NRG3: variants seen among roughly 807,000 people sequenced by gnomAD.
NRG3 encodes the protein neuregulin 3, also known as pro-neuregulin-3, membrane-bound isoform.
NRG3 carries 31 observed loss-of-function variants against 66.9 expected under a neutral mutation model. The ratio of observed to expected loss-of-function variants is 0.46; its 90% CI spans 0.35 to 0.63. NRG3 has a LOEUF of 0.63. NRG3 is among the 20% of genes least tolerant of loss of function. NRG3 has a pLI of 0.00. For missense variants in NRG3, 910 were observed against 878.9 expected (o/e 1.04, Z -0.45); for synonymous variants, 393 against 359.4 (o/e 1.09, Z -1.06).
intron 1 of NRG3, among the ~76,000 whole-genome samples, chr10:82,150,691 C>T (rs1030396497): frequency 3.9e-5 from 6 of 152,084 alleles, no homozygotes; most frequent in Non-Finnish European, 5.9e-5. Flanking sequence ...GGCGCCTGGA[C>T]ATTCCAGTGA....
intron 4 of NRG3, among the ~76,000 whole-genome samples, chr10:82,897,787 C>T (rs960974464): frequency 1.3e-5 from 2 of 152,010 alleles, no homozygotes; most frequent in Non-Finnish European, 2.9e-5. Flanking sequence ...CCCAAAGTGC[C>T]GGGATTACAG....
At chr10:82,741,797 T>C (rs1368472549) in intron 3 of NRG3, among the ~76,000 whole-genome samples, 3 of 151,950 alleles carry the variant, frequency 2.0e-5, no homozygotes, top group Non-Finnish European at 2.9e-5. Context: ...AACCCTCCCT[T>C]CTCTAGTTAT....
intron 2 of NRG3, among the ~76,000 whole-genome samples, chr10:82,726,100 C>G (rs1338513026): frequency 6.6e-6 from 1 of 152,098 alleles, no homozygotes; most frequent in African/African-American, 2.4e-5. Flanking sequence ...GGAGAGAGCC[C>G]TCATCAAAAC....
chr10:82,537,255 T>C (rs968194811), intron 2 of NRG3, among the ~76,000 whole-genome samples: 3 of 152,194 alleles, frequency 2.0e-5, no homozygotes, highest in African/African-American at 7.2e-5. Context: ...CATTTACAAA[T>C]GGTAACATTT....
intron 1 of NRG3, among the ~76,000 whole-genome samples, chr10:82,172,397 TTTGA>T (rs1254119249): frequency 2.6e-5 from 4 of 152,132 alleles, no homozygotes; most frequent in Non-Finnish European, 4.4e-5. Context: ...ACTGCTTGTC[TTTGA>T]TTTATTTTTA....
intron 1 of NRG3, among the ~76,000 whole-genome samples, chr10:82,334,453 A>G (rs1413185063): frequency 6.6e-6 from 1 of 152,220 alleles, no homozygotes; most frequent in African/African-American, 2.4e-5. Context: ...TTGAGGGCAG[A>G]TAAGAGAGAC....
At chr10:81,995,630 T>C (rs887645604) in intron 1 of NRG3, among the ~76,000 whole-genome samples, 3 of 152,198 alleles carry the variant, frequency 2.0e-5, no homozygotes, top group South Asian at 2.1e-4. Context: ...GTACTGGCCT[T>C]TGCCTTACAG....
At chr10:82,573,229 A>C (rs2045843664) in intron 2 of NRG3, among the ~76,000 whole-genome samples, 1 of 151,816 alleles carries the variant, frequency 6.6e-6, no homozygotes, top group African/African-American at 2.4e-5. Flanking sequence ...CTCTGGAGCA[A>C]AGATGACAAG....
chr10:82,431,811 G>A (rs1052153360), intron 2 of NRG3, among the ~76,000 whole-genome samples: 13 of 152,022 alleles, frequency 8.6e-5, no homozygotes, highest in African/African-American at 1.4e-4. Context: ...CTGCATACAT[G>A]TGGAGAATAT....
intron 2 of NRG3, among the ~76,000 whole-genome samples, chr10:82,464,623 C>T (rs1233713609): frequency 6.6e-6 from 1 of 152,170 alleles, no homozygotes; most frequent in African/African-American, 2.4e-5. Flanking sequence ...TGGTCAGCAG[C>T]TTCTCAGCCC....
At chr10:82,865,548 G>T in intron 4 of NRG3, 111 bp downstream of exon 4, 1 of 1,063,784 alleles carries the variant, frequency 9.4e-7, no homozygotes, top group Non-Finnish European at 1.4e-6. Flanking sequence ...ATTATCAGAT[G>T]CTATTAGTAG....
At chr10:82,819,567 A>G (rs1201583752) in intron 3 of NRG3, among the ~76,000 whole-genome samples, 1 of 152,190 alleles carries the variant, frequency 6.6e-6, no homozygotes, top group East Asian at 1.9e-4. Context: ...ACAGCATAAT[A>G]TAATAATTAC....
At chr10:82,255,010 A>G (rs2077650851) in intron 1 of NRG3, among the ~76,000 whole-genome samples, 1 of 152,216 alleles carries the variant, frequency 6.6e-6, no homozygotes, top group Non-Finnish European at 1.5e-5. Context: ...GGAACAAGGA[A>G]TAACTAAATG....
At chr10:82,455,842 T>G (rs897042109) in intron 2 of NRG3, among the ~76,000 whole-genome samples, 19 of 152,060 alleles carry the variant, frequency 1.2e-4, no homozygotes, top group African/African-American at 4.1e-4. Context: ...ATGGTCTCTA[T>G]CTCCTGACCT....
chr10:82,884,204 T>C (rs2136079891), intron 4 of NRG3, among the ~76,000 whole-genome samples: 1 of 152,280 alleles, frequency 6.6e-6, no homozygotes, highest in Non-Finnish European at 1.5e-5. Context: ...GCAGTTGTTT[T>C]ATATAGCCTT....
intron 1 of NRG3, among the ~76,000 whole-genome samples, chr10:82,220,937 T>TC (rs1291297827): frequency 2.6e-5 from 4 of 152,152 alleles, no homozygotes; most frequent in Admixed American, 6.5e-5. Context: ...TGAGCTATGA[T>TC]CATACCATCA....
intron 4 of NRG3, 40 bp downstream of exon 4, chr10:82,865,477 G>A (rs1591770348): frequency 6.3e-7 from 1 of 1,597,838 alleles, no homozygotes; most frequent in East Asian, 2.2e-5. Context: ...TCCTGGAAAT[G>A]CTAAGCTTTA....
chr10:82,874,592 C>G (rs2136010232), intron 4 of NRG3, among the ~76,000 whole-genome samples: 1 of 152,204 alleles, frequency 6.6e-6, no homozygotes, highest in South Asian at 2.1e-4. Context: ...CCATGTTAAA[C>G]TACGTGAGAA....
chr10:82,345,942 T>A (rs1475321580), intron 1 of NRG3, among the ~76,000 whole-genome samples: 1 of 152,208 alleles, frequency 6.6e-6, no homozygotes, highest in Non-Finnish European at 1.5e-5. Flanking sequence ...TGAAGTTGCT[T>A]ATCAGCTTAA....
Sources: allele counts gnomAD v4.1 joint callset (sites outside exome capture counted in the v4.1 genomes callset), GRCh38; gene constraint gnomAD v4.1.1; transcripts MANE v1.5; gene names NCBI Gene and HGNC (gene_info 2026-07-23, HGNC 2026-07-21).